The following ANKH variants were observed in gnomAD, a reference collection of about 807,000 sequenced individuals.
The protein encoded by ANKH is ANKH inorganic pyrophosphate transport regulator, also known as mineralization regulator ANKH.
ANKH carries 15 observed loss-of-function variants against 49.0 expected under a neutral mutation model. That is an observed-to-expected ratio of 0.31 (90% CI 0.20 to 0.47). ANKH has a LOEUF of 0.47. Among genes scored for constraint, ANKH ranks in the 20% least tolerant of loss-of-function variants. The pLI is 1.00. For synonymous variants in ANKH, 273 were observed against 260.0 expected (o/e 1.05, Z -0.48); for missense variants, 429 against 652.0 (o/e 0.66, Z 3.72).
chr5:14,809,551 T>C (rs1740816705), intron 1 of ANKH, among the ~76,000 whole-genome samples: 1 of 152,140 alleles, frequency 6.6e-6, no homozygotes, highest in African/African-American at 2.4e-5. Context: ...TGAGACTCTG[T>C]CTCAATCAGT....
intron 3 of ANKH, among the ~76,000 whole-genome samples, chr5:14,757,360 C>T (rs1181022393): frequency 4.1e-5 from 6 of 147,472 alleles, no homozygotes; most frequent in South Asian, 2.1e-4. Flanking sequence ...AAGAATAATT[C>T]GAAATGGAGC....
rs555767762 is a variant in ANKH at position 14,742,222 on chromosome 5, C to T, written c.916-300G>A. Reference sequence around the variant, plus strand: ...CAGTCCTGGGGCTTTGGCTCTGAAGCCTGCTCCTGCCCCATGCACCCCGCT... The same window carrying T: ...CAGTCCTGGGGCTTTGGCTCTGAAGTCTGCTCCTGCCCCATGCACCCCGCT... On this transcript the variant is annotated intron_variant, in intron 7 of 11. Transcript: ENST00000284268. 1.2e-4 allele frequency among the ~76,000 whole-genome samples: 18 copies of T among 152,328 alleles called. No homozygotes were observed. The East Asian group carries it at 2.3e-3, about 20-fold the overall frequency.
At chr5:14,798,132 T>A in intron 1 of ANKH, 1 of 1,553,532 alleles carries the variant, frequency 6.4e-7, no homozygotes, top group East Asian at 2.2e-5. Context: ...AAACTGAGCA[T>A]CATCATCAGG....
At chr5:14,848,916 T>C (rs1054130472) in intron 1 of ANKH, among the ~76,000 whole-genome samples, 2 of 152,228 alleles carry the variant, frequency 1.3e-5, no homozygotes, top group Non-Finnish European at 2.9e-5. Context: ...AACATTGTTT[T>C]ATAAACTAAA....
chr5:14,738,721 A>G (rs930087035), intron 8 of ANKH, among the ~76,000 whole-genome samples: 3 of 151,936 alleles, frequency 2.0e-5, no homozygotes, highest in African/African-American at 7.3e-5. Flanking sequence ...CCTGAGCAAC[A>G]TAGTGAGACC....
intron 8 of ANKH, among the ~76,000 whole-genome samples, chr5:14,729,484 A>C (rs1737926917): frequency 6.9e-6 from 1 of 145,426 alleles, no homozygotes; most frequent in Non-Finnish European, 1.5e-5. Flanking sequence ...ACCGCGCCTG[A>C]CCAAAAAAAA....
At chr5:14,721,877 C>G (rs1246859018) in intron 8 of ANKH, among the ~76,000 whole-genome samples, 1 of 125,080 alleles carries the variant, frequency 8.0e-6, no homozygotes, top group Non-Finnish European at 1.6e-5. Context: ...TTGCAGTGAG[C>G]TGAGATCATG....
chr5:14,841,941 T>G (rs1405015916), intron 1 of ANKH, among the ~76,000 whole-genome samples: 1 of 152,198 alleles, frequency 6.6e-6, no homozygotes, highest in Non-Finnish European at 1.5e-5. Flanking sequence ...AATCCTAGAA[T>G]TCCAGAATTA....
chr5:14,776,495 C>A (rs939216764), intron 1 of ANKH, among the ~76,000 whole-genome samples: 1 of 152,152 alleles, frequency 6.6e-6, no homozygotes, highest in South Asian at 2.1e-4. Flanking sequence ...CCACAGCACA[C>A]TAGGAGTAAA....
At chr5:14,728,513 G>GC (rs909034928) in intron 8 of ANKH, among the ~76,000 whole-genome samples, 80 of 152,334 alleles carry the variant, frequency 5.3e-4, no homozygotes, top group African/African-American at 1.8e-3. Context: ...CAATGGGGTG[G>GC]CAGTCTCCAC....
rs529812373 is a variant in ANKH at position 14,713,818 on chromosome 5, G to C, written c.1142-151C>G. On this transcript the variant is annotated intron_variant, in intron 9 of 11. Transcript: ENST00000284268. This position sits in a 1 kb window ranked among gnomAD's most constrained non-coding sequence, Gnocchi z 4.4. ...CGCTGGCCACCTCATCTTCCTGCCAGGGTTCCCCATCCCTGCTCCTGAGCC... is the reference window on the plus strand; with the variant it reads ...CGCTGGCCACCTCATCTTCCTGCCACGGTTCCCCATCCCTGCTCCTGAGCC... 7 of 1,159,834 alleles carry C rather than the reference G, an allele frequency of 6.0e-6. No individual in the cohort carries two copies. In the East Asian group the frequency reaches 1.7e-4, roughly 28 times the overall value. 71.8% of individuals were successfully genotyped at this position (1,159,834 alleles called of 1,614,324 possible). A position where few individuals can be genotyped will look rare whatever the true frequency, so the allele number is the denominator to read the frequency against.
chr5:14,803,664 C>G (rs1268728987), intron 1 of ANKH, among the ~76,000 whole-genome samples: 1 of 152,114 alleles, frequency 6.6e-6, no homozygotes, highest in Non-Finnish European at 1.5e-5. Context: ...CTCCCTTGAT[C>G]TTAGTAAAAT....
intron 4 of ANKH, among the ~76,000 whole-genome samples, chr5:14,754,123 A>G (rs574288656): frequency 6.6e-6 from 1 of 152,354 alleles, no homozygotes; most frequent in East Asian, 1.9e-4. Flanking sequence ...CTGAAGCCAG[A>G]TGGCATCTGA....
intron 1 of ANKH, among the ~76,000 whole-genome samples, chr5:14,809,359 A>G (rs1370771973): frequency 1.4e-5 from 2 of 141,404 alleles, no homozygotes; most frequent in Non-Finnish European, 3.1e-5. Context: ...AAAAAAAAAG[A>G]AAAAAAAAGA....
At chr5:14,757,432 T>TATATATATATATATA (rs1320876753) in intron 3 of ANKH, among the ~76,000 whole-genome samples, 5 of 108,506 alleles carry the variant, frequency 4.6e-5, no homozygotes, top group African/African-American at 1.6e-4. Context: ...ATATATATAT[T>TATATATATATATATA]TTTTTTTTTT....
chr5:14,800,625 C>A (rs1740538190), intron 1 of ANKH, among the ~76,000 whole-genome samples: 2 of 152,022 alleles, frequency 1.3e-5, no homozygotes, highest in South Asian at 2.1e-4. Flanking sequence ...CATTTTTTAG[C>A]AATGGAGTAT....
rs778512815 is a variant in ANKH at position 14,710,875 on chromosome 5, A to AGAGGAGATTGTCCAGGGGAG, written c.*302_*321dup. 1.5e-3 allele frequency: 567 copies of AGAGGAGATTGTCCAGGGGAG among 376,920 alleles called. 2 individuals are homozygous for AGAGGAGATTGTCCAGGGGAG. Among genetic ancestry groups the AGAGGAGATTGTCCAGGGGAG allele is most frequent in the Non-Finnish European group, 2.1e-3 (408 of 196,574 alleles). 23.3% of individuals were successfully genotyped at this position (376,920 alleles called of 1,614,324 possible). A position where few individuals can be genotyped will look rare whatever the true frequency, so the allele number is the denominator to read the frequency against. ...GCACAGCTGCAGTCCTTTGGTTCCA[A>AGAGGAGATTGTCCAGGGGAG]GAGGAGATTGTCCAGGGGAGGAGGA... is the stretch of plus-strand genomic sequence containing the variant. On this transcript the variant is annotated 3_prime_UTR_variant, in exon 12 of 12. Coordinates refer to ENST00000284268, the MANE Select transcript of ANKH (RefSeq NM_054027.6).
At chr5:14,712,576 C>G (rs910577894) in intron 11 of ANKH, among the ~76,000 whole-genome samples, 2 of 152,274 alleles carry the variant, frequency 1.3e-5, no homozygotes. Context: ...CAAAGCAAGC[C>G]ATAGGCTGAA....
chr5:14,843,745 G>A (rs1741881742), intron 1 of ANKH, among the ~76,000 whole-genome samples: 1 of 152,078 alleles, frequency 6.6e-6, no homozygotes, highest in African/African-American at 2.4e-5. Context: ...CTCAGTGTGT[G>A]CTCGCTCTTG....
Sources: allele counts gnomAD v4.1 joint callset (sites outside exome capture counted in the v4.1 genomes callset), GRCh38; gene constraint gnomAD v4.1.1; non-coding constraint Gnocchi (gnomAD v3.1); transcripts MANE v1.5; gene names NCBI Gene and HGNC (gene_info 2026-07-23, HGNC 2026-07-21).